Variants in NTN4 observed in about 807,000 individuals in gnomAD.
The protein encoded by NTN4 is netrin-4.
A neutral mutation model predicts 73.6 loss-of-function variants in NTN4; 32 were observed. The ratio of observed to expected loss-of-function variants is 0.44; its 90% CI spans 0.33 to 0.58. NTN4 has a LOEUF of 0.58. Among genes scored for constraint, NTN4 ranks in the 20% least tolerant of loss-of-function variants. The pLI, the probability that NTN4 is intolerant of heterozygous loss-of-function variation, is 0.04. For synonymous variants in NTN4, 258 were observed against 287.5 expected (o/e 0.90, Z 1.04); for missense variants, 654 against 798.3 (o/e 0.82, Z 2.18).
At chr12:95,690,697 T>A (rs2078395529) in intron 5 of NTN4, among the ~76,000 whole-genome samples, 1 of 152,078 alleles carries the variant, frequency 6.6e-6, no homozygotes, top group Admixed American at 6.6e-5. Flanking sequence ...TGAAATCACA[T>A]AATCTAGTAT....
chr12:95,686,880 G>T (rs1044842944), intron 5 of NTN4, among the ~76,000 whole-genome samples: 19 of 152,210 alleles, frequency 1.2e-4, no homozygotes, highest in East Asian at 9.6e-4. Context: ...AATAAATTGT[G>T]GTAAGAAACA....
intron 7 of NTN4, among the ~76,000 whole-genome samples, chr12:95,678,349 TAAAAA>T (rs59083360): frequency 3.6e-4 from 40 of 110,916 alleles, no homozygotes; most frequent in Admixed American, 7.3e-4. Flanking sequence ...GAACTTAAAG[TAAAAA>T]AAAAAAAAAA....
rs1236021540 is a variant in NTN4, at chr12:95,790,216, C to T, written c.55+39G>A. 4 of 1,512,196 alleles carry T rather than the reference C, an allele frequency of 2.6e-6. No homozygotes were observed. The Admixed American group carries it at 6.2e-5, about 24-fold the overall frequency. 93.7% of individuals were successfully genotyped at this position (1,512,196 alleles called of 1,614,324 possible). On this transcript the variant is annotated intron_variant, in intron 1 of 9. Coordinates refer to ENST00000343702, the MANE Select transcript of NTN4 (RefSeq NM_021229.4). The surrounding 1 kb of genome is among the most constrained non-coding windows in gnomAD (Gnocchi z 6.5). Reference sequence around the variant, plus strand: ...GTCCCGAGATGGGTTAGAGAAGCAGCGAGGGAAGGGGTGGGGGCCCCGCCG... The same window carrying T: ...GTCCCGAGATGGGTTAGAGAAGCAGTGAGGGAAGGGGTGGGGGCCCCGCCG...
In NTN4 at chr12:95,709,602, C is replaced by CA. The variant is rs528281055; in HGVS notation, c.1180+838dup. ...AGGCTGGAGTGCAGTGGCACTATCC[C>CA]AGCTCATTGCAACCTCTGCCTGCTG... On this transcript the variant is annotated intron_variant, in intron 5 of 9. Transcript: ENST00000343702. Among the ~76,000 whole-genome samples, 47 of 150,438 alleles carry CA rather than the reference C, an allele frequency of 3.1e-4. No individual in the cohort carries two copies. The South Asian group carries it at 4.4e-3, about 14-fold the overall frequency.
chr12:95,775,904 C>T (rs1280334014), intron 2 of NTN4, among the ~76,000 whole-genome samples: 4 of 152,208 alleles, frequency 2.6e-5, no homozygotes, highest in Non-Finnish European at 5.9e-5. Flanking sequence ...AACTGGGAGG[C>T]ACCCCCCAGT....
rs1379703707 is a variant in NTN4 at position 95,683,626 on chromosome 12, G to T, written c.1266C>A (p.Cys422Ter). The change falls in exon 6 of 10, where the codon TGC becomes TGA. Residue 422 changes from cysteine to a stop codon, truncating the protein, a stop_gained. Transcript: ENST00000343702. LOFTEE classifies it high-confidence loss of function. ...AACGTCGCCCTGCCACCCCAGGCTT[G>T]CAAGGGCAGTCACCATTGCTGGGGT... Reference protein sequence around the residue: ...FCDPSNGDCPCKPGVAGRRCD... With the variant: ...FCDPSNGDCP 1 of 1,614,168 alleles carries T rather than the reference G, an allele frequency of 6.2e-7. No homozygotes were observed. Among genetic ancestry groups the T allele is most frequent in the Admixed American group, 1.7e-5 (1 of 60,014 alleles).
At chr12:95,695,036 A>G (rs966441683) in intron 5 of NTN4, among the ~76,000 whole-genome samples, 2 of 152,008 alleles carry the variant, frequency 1.3e-5, no homozygotes, top group African/African-American at 4.8e-5. Context: ...GATGAGGCAC[A>G]AGAATGGTTT....
chr12:95,686,529 C>T (rs769081324), intron 5 of NTN4, among the ~76,000 whole-genome samples: 1 of 151,354 alleles, frequency 6.6e-6, no homozygotes, highest in Non-Finnish European at 1.5e-5. Flanking sequence ...GCGGCTGAGG[C>T]GGGTGGATCA....
chr12:95,706,219 A>C (rs1220403621), intron 5 of NTN4, among the ~76,000 whole-genome samples: 1 of 152,210 alleles, frequency 6.6e-6, no homozygotes, highest in East Asian at 1.9e-4. Context: ...CTAGGATTTA[A>C]AAAGCTAGGG....
At position 95,659,136 on chromosome 12, in the gene NTN4, G is replaced by A. The variant is rs200214792; in HGVS notation, c.1837C>T (p.Pro613Ser). The A allele has an allele frequency of 3.1e-6, 5 of 1,613,582 alleles. No homozygotes were observed. Among genetic ancestry groups the A allele is most frequent in the Admixed American group, 1.7e-5 (1 of 59,954 alleles). Residue 613 changes from proline to serine, a missense_variant, in exon 10 of 10, where the codon CCT becomes TCT. Transcript: ENST00000343702. ...NMKSFVQHWK[P>S]SLGRKVMDIL... ...TCCATGACTTTTCTTCCAAGAGAAG[G>A]TTTCCAGTGCTGGACAAAGCTTTTC...
chr12:95,689,485 T>C (rs1351525590), intron 5 of NTN4, among the ~76,000 whole-genome samples: 1 of 152,214 alleles, frequency 6.6e-6, no homozygotes, highest in Admixed American at 6.5e-5. Flanking sequence ...TAACAATCTT[T>C]CAAAATTCTA....
chr12:95,682,747 C>T lies in NTN4; in HGVS notation c.1470G>A (p.Glu490=). The change falls in exon 7 of 10, where the codon GAG becomes GAA. Residue 490 remains glutamate (E), a synonymous_variant. Coordinates refer to ENST00000343702, the MANE Select transcript of NTN4 (RefSeq NM_021229.4). ...PVHNKSEPAW[E]WEDAQGFSAL... is the part of the protein sequence containing the mutation. ...CAGAAAACCCCTGCGCATCCTCCCA[C>T]TCCCAGGCTGGTTCGCTCTTATTGT... 2 of 1,613,780 alleles carry T rather than the reference C, an allele frequency of 1.2e-6. No individual in the cohort carries two copies. Among genetic ancestry groups the T allele is most frequent in the South Asian group, 1.1e-5 (1 of 91,058 alleles).
intron 9 of NTN4, among the ~76,000 whole-genome samples, chr12:95,662,925 T>G (rs2078149451): frequency 6.6e-6 from 1 of 152,054 alleles, no homozygotes. Flanking sequence ...TGAGACCAGT[T>G]TGAGACCATA....
intron 3 of NTN4, among the ~76,000 whole-genome samples, chr12:95,724,028 T>C (rs2078671073): frequency 6.6e-6 from 1 of 152,206 alleles, no homozygotes; most frequent in Non-Finnish European, 1.5e-5. Context: ...CTAGAGTTTT[T>C]TTTTTAAATC....
At chr12:95,720,635 T>A (rs1429401973) in intron 3 of NTN4, among the ~76,000 whole-genome samples, 4 of 152,156 alleles carry the variant, frequency 2.6e-5, no homozygotes, top group Non-Finnish European at 5.9e-5. Context: ...AGGGTGATAA[T>A]TATGCATTTG....
intron 2 of NTN4, among the ~76,000 whole-genome samples, chr12:95,754,756 A>C (rs1441525589): frequency 6.6e-6 from 1 of 151,820 alleles, no homozygotes; most frequent in Non-Finnish European, 1.5e-5. Context: ...CCCAAATCCT[A>C]TAAAACGGCC....
chr12:95,675,264 G>A (rs946788876), intron 7 of NTN4, among the ~76,000 whole-genome samples: 29 of 152,268 alleles, frequency 1.9e-4, no homozygotes, highest in African/African-American at 7.0e-4. Context: ...TATGTTAAGT[G>A]AAAAAACCAT....
At chr12:95,709,926 T>C (rs12229143) in intron 5 of NTN4, among the ~76,000 whole-genome samples, 16,437 of 152,210 alleles carry the variant, frequency 0.11, 1,475 homozygotes, top group East Asian at 0.56. Context: ...AAAATTAATA[T>C]GATTTCCTAA....
chr12:95,750,281 C>T lies in NTN4; in HGVS notation c.586-12137G>A, dbSNP rs190936436. On this transcript the variant is annotated intron_variant, in intron 2 of 9. Transcript: ENST00000343702. The stretch of plus-strand genomic sequence containing the variant: ...TCCCACTTTTCTGGAAGGTAAGAAC[C>T]GCCGAACCCCTTCTCTCTGTTTCTC... 9.9e-5 allele frequency among the ~76,000 whole-genome samples: 15 copies of T among 151,882 alleles called. No individual in the cohort carries two copies. The South Asian group carries it at 1.9e-3, about 19-fold the overall frequency.
Sources: gnomAD v4.1 joint callset for allele counts (sites outside exome capture counted in the v4.1 genomes callset) on GRCh38, gnomAD v4.1.1 for gene constraint, Gnocchi (gnomAD v3.1) non-coding constraint, MANE v1.5 for transcripts, NCBI Gene and HGNC (gene_info 2026-07-23, HGNC 2026-07-21) for gene names.